Variants in SUGCT observed in about 807,000 individuals in gnomAD.
The protein encoded by SUGCT is succinyl-CoA:glutarate-CoA transferase, also known as succinyl-CoA:glutarate CoA-transferase.
Under a neutral mutation model 55.0 loss-of-function variants are expected in SUGCT, and 41 were observed. The observed-to-expected ratio is 0.74, with a 90% CI of 0.58 to 0.97. The LOEUF is 0.97. Ranked by LOEUF, SUGCT falls within the 50% of genes least tolerant of loss-of-function variation. The pLI, the probability that SUGCT is intolerant of heterozygous loss-of-function variation, is 0.00. For missense variants in SUGCT, 568 were observed against 547.8 expected (o/e 1.04, Z -0.37); for synonymous variants, 187 against 200.4 (o/e 0.93, Z 0.56).
At chr7:41,014,689 G>A in the SUGCT span, among the ~76,000 whole-genome samples, 1 of 152,124 alleles carries the variant, frequency 6.6e-6, no homozygotes, top group Non-Finnish European at 1.5e-5. Flanking sequence ...CTAAGGGGAT[G>A]GTTTTTAAAC....
chr7:40,490,371 A>G (rs1163088555), intron 11 of SUGCT, among the ~76,000 whole-genome samples: 1 of 152,040 alleles, frequency 6.6e-6, no homozygotes, highest in African/African-American at 2.4e-5. Flanking sequence ...GGTACTCTCA[A>G]AATTTCTCAT....
At chr7:41,036,503 T>C in the SUGCT span, among the ~76,000 whole-genome samples, 1 of 152,114 alleles carries the variant, frequency 6.6e-6, no homozygotes, top group Non-Finnish European at 1.5e-5. Flanking sequence ...GTTCGTTCCT[T>C]AAGATTCTCC....
At chr7:40,630,193 C>T (rs1320494036) in intron 12 of SUGCT, among the ~76,000 whole-genome samples, 1 of 152,204 alleles carries the variant, frequency 6.6e-6, no homozygotes, top group Non-Finnish European at 1.5e-5. Context: ...GCTGCTTTCT[C>T]ATTTCATCTA....
At chr7:40,696,351 A>G (rs1784934009) in intron 12 of SUGCT, among the ~76,000 whole-genome samples, 1 of 152,014 alleles carries the variant, frequency 6.6e-6, no homozygotes, top group East Asian at 1.9e-4. Flanking sequence ...GCAAACTTTC[A>G]TTTCCTAATG....
At chr7:40,968,678 G>A in the SUGCT span, among the ~76,000 whole-genome samples, 3 of 152,190 alleles carry the variant, frequency 2.0e-5, no homozygotes, top group African/African-American at 7.2e-5. Flanking sequence ...AGGCATAGCT[G>A]GGTAAAGGTA....
intron 11 of SUGCT, among the ~76,000 whole-genome samples, chr7:40,464,141 A>T (rs1789968001): frequency 6.6e-6 from 1 of 152,208 alleles, no homozygotes; most frequent in Non-Finnish European, 1.5e-5. Flanking sequence ...AAGAGAATTG[A>T]TGGAGAAAAT....
At chr7:40,917,909 C>A in the SUGCT span, among the ~76,000 whole-genome samples, 2 of 152,120 alleles carry the variant, frequency 1.3e-5, no homozygotes, top group Non-Finnish European at 2.9e-5. Context: ...TCTCTTAATA[C>A]CATCACATTG....
At chr7:40,553,721 G>A (rs1368087979) in intron 12 of SUGCT, among the ~76,000 whole-genome samples, 1 of 152,226 alleles carries the variant, frequency 6.6e-6, no homozygotes, top group South Asian at 2.1e-4. Context: ...GTGAGTGTGT[G>A]TGTGCATGTG....
chr7:40,645,240 A>G (rs1800446274), intron 12 of SUGCT, among the ~76,000 whole-genome samples: 1 of 152,090 alleles, frequency 6.6e-6, no homozygotes, highest in Non-Finnish European at 1.5e-5. Flanking sequence ...CATCGCTCTT[A>G]GGGAGTTGGA....
chr7:40,466,360 T>C (rs1382850411), intron 11 of SUGCT, among the ~76,000 whole-genome samples: 1 of 152,204 alleles, frequency 6.6e-6, no homozygotes, highest in Non-Finnish European at 1.5e-5. Flanking sequence ...TACTCATTAC[T>C]TGACACTCAA....
intron 13 of SUGCT, among the ~76,000 whole-genome samples, chr7:40,751,716 G>A (rs1788020054): frequency 6.6e-6 from 1 of 152,134 alleles, no homozygotes; most frequent in African/African-American, 2.4e-5. Context: ...AAGAACCAGT[G>A]ATCACTTAAC....
the SUGCT span, among the ~76,000 whole-genome samples, chr7:40,962,546 G>A: frequency 2.1e-5 from 3 of 141,052 alleles, no homozygotes; most frequent in South Asian, 4.6e-4. Context: ...CCTACTATAC[G>A]AATTCCTTCA....
At chr7:40,940,568 G>A in the SUGCT span, among the ~76,000 whole-genome samples, 1 of 151,816 alleles carries the variant, frequency 6.6e-6, no homozygotes, top group Non-Finnish European at 1.5e-5. Context: ...AGCAGTGTTT[G>A]GTAGTTCTCC....
chr7:40,742,170 G>A (rs1306028296), intron 12 of SUGCT, among the ~76,000 whole-genome samples: 2 of 152,156 alleles, frequency 1.3e-5, no homozygotes, highest in African/African-American at 4.8e-5. Flanking sequence ...AATTATGTGT[G>A]TGTGTATATT....
At position 40,823,929 on chromosome 7, in the gene SUGCT, G is replaced by A. The variant is rs369601305; in HGVS notation, c.1154-36387G>A. Among the ~76,000 whole-genome samples, 7 of 152,078 alleles carry A rather than the reference G, an allele frequency of 4.6e-5. No individual in the cohort carries two copies. The South Asian group carries it at 6.2e-4, about 13-fold the overall frequency. On this transcript the variant is annotated intron_variant, in intron 13 of 13. Coordinates refer to ENST00000335693, the MANE Select transcript of SUGCT (RefSeq NM_001193313.2). ...ATCTTATTGCTAAATAATAGCTAAC[G>A]TTTAATGATTACCTAGTAGGTTCCA...
the SUGCT span, among the ~76,000 whole-genome samples, chr7:40,886,737 A>C: frequency 9.5e-4 from 145 of 152,320 alleles, 1 homozygote; most frequent in Middle Eastern, 3.4e-3. Context: ...CAGGCAAGAT[A>C]ATTTGGAGAT....
intron 12 of SUGCT, among the ~76,000 whole-genome samples, chr7:40,534,522 T>C (rs1794258143): frequency 6.6e-6 from 1 of 152,186 alleles, no homozygotes; most frequent in Non-Finnish European, 1.5e-5. Context: ...TAGCTGGGAC[T>C]ACAGGCATGT....
intron 1 of SUGCT, among the ~76,000 whole-genome samples, chr7:40,159,126 C>T (rs990174196): frequency 3.9e-5 from 6 of 152,036 alleles, no homozygotes; most frequent in Non-Finnish European, 8.8e-5. Flanking sequence ...CCTCATATTG[C>T]TGAGGCCGGT....
chr7:40,718,897 A>C (rs1265439480), intron 12 of SUGCT, among the ~76,000 whole-genome samples: 1 of 152,236 alleles, frequency 6.6e-6, no homozygotes, highest in Non-Finnish European at 1.5e-5. Flanking sequence ...TATATGATAT[A>C]AAAATTTAAA....
Sources: gnomAD v4.1 joint callset for allele counts (sites outside exome capture counted in the v4.1 genomes callset) on GRCh38, gnomAD v4.1.1 for gene constraint, MANE v1.5 for transcripts, NCBI Gene and HGNC (gene_info 2026-07-23, HGNC 2026-07-21) for gene names.